Variants in B4GALT1 observed in about 807,000 individuals in gnomAD.
B4GALT1 encodes beta-1,4-galactosyltransferase 1.
In B4GALT1, 16 loss-of-function variants were observed where a neutral mutation model predicts 34.9. That is an observed-to-expected ratio of 0.46 (90% CI 0.31 to 0.70). The LOEUF is 0.70. Among genes scored for constraint, B4GALT1 ranks in the 30% least tolerant of loss-of-function variants. The pLI, the probability that B4GALT1 is intolerant of heterozygous loss-of-function variation, is 0.05. For synonymous variants in B4GALT1, 221 were observed against 218.1 expected (o/e 1.01, Z -0.12); for missense variants, 445 against 530.5 (o/e 0.84, Z 1.58).
At chr9:33,174,990 AATATAT>A in the B4GALT1 span, among the ~76,000 whole-genome samples, 9 of 4,836 alleles carry the variant, frequency 1.9e-3, no homozygotes, top group African/African-American at 4.2e-3. Flanking sequence ...AAAAAAAAAA[AATATAT>A]ATATATATAT....
chr9:33,168,798 C>G (rs918432386), upstream of B4GALT1, among the ~76,000 whole-genome samples: 1 of 152,236 alleles, frequency 6.6e-6, no homozygotes, highest in African/African-American at 2.4e-5. Flanking sequence ...CAGCCCAGAT[C>G]TCTTCCCTGA....
intron 1 of B4GALT1, among the ~76,000 whole-genome samples, chr9:33,137,352 C>G (rs578209925): frequency 1.3e-5 from 2 of 152,186 alleles, no homozygotes; most frequent in African/African-American, 4.8e-5. Flanking sequence ...TTACTCTCTG[C>G]GCTATCACAG....
the B4GALT1 span, among the ~76,000 whole-genome samples, chr9:33,174,920 G>A: frequency 7.8e-6 from 1 of 127,800 alleles, no homozygotes; most frequent in Non-Finnish European, 1.6e-5. Flanking sequence ...TCACGCCACT[G>A]CACTCTATAG....
At chr9:33,178,552 C>G in the B4GALT1 span, among the ~76,000 whole-genome samples, 5 of 152,350 alleles carry the variant, frequency 3.3e-5, no homozygotes, top group East Asian at 9.7e-4. Flanking sequence ...CGAAGTGGGT[C>G]TGCTTCCTCC....
At chr9:33,109,949 T>C (rs1403306787), downstream of B4GALT1, among the ~76,000 whole-genome samples, 1 of 152,272 alleles carries the variant, frequency 6.6e-6, no homozygotes, top group Non-Finnish European at 1.5e-5. Context: ...GGCAGCATTT[T>C]GTCCAAAGGA....
At chr9:33,129,354 T>G (rs1266714892) in intron 2 of B4GALT1, among the ~76,000 whole-genome samples, 1 of 152,238 alleles carries the variant, frequency 6.6e-6, no homozygotes, top group Non-Finnish European at 1.5e-5. Context: ...ACAGGCAGCC[T>G]GTGCTCTGGT....
At chr9:33,163,906 A>G (rs943235835) in intron 1 of B4GALT1, among the ~76,000 whole-genome samples, 2 of 151,568 alleles carry the variant, frequency 1.3e-5, no homozygotes, top group East Asian at 1.9e-4. Flanking sequence ...TGCATCACTC[A>G]CTCCTGCAAG....
At position 33,113,197 on chromosome 9, in the gene B4GALT1, TG is replaced by T; in HGVS notation, c.*256del. 1 of 542,634 alleles carries T rather than the reference TG, an allele frequency of 1.8e-6. No individual in the cohort carries two copies. Among genetic ancestry groups the T allele is most frequent in the South Asian group, 2.0e-5 (1 of 50,590 alleles). 33.6% of individuals were successfully genotyped at this position (542,634 alleles called of 1,614,324 possible). A position where few individuals can be genotyped will look rare whatever the true frequency, so the allele number is the denominator to read the frequency against. On this transcript the variant is annotated 3_prime_UTR_variant, in exon 6 of 6. Transcript: ENST00000379731. ...TTTGGGATGTGTACAGTTCTGACTCTGGGGTGACACTGCGAACACATCAAGA... is the reference window on the plus strand; with the variant it reads ...TTTGGGATGTGTACAGTTCTGACTCTGGGTGACACTGCGAACACATCAAGA...
At chr9:33,126,910 C>G (rs1312467276) in intron 2 of B4GALT1, among the ~76,000 whole-genome samples, 1 of 152,156 alleles carries the variant, frequency 6.6e-6, no homozygotes, top group Non-Finnish European at 1.5e-5. Context: ...AACAGGGATT[C>G]TGGGTGAAGT....
downstream of B4GALT1, among the ~76,000 whole-genome samples, chr9:33,107,987 G>A (rs1232743595): frequency 6.6e-6 from 1 of 152,138 alleles, no homozygotes; most frequent in East Asian, 1.9e-4. Context: ...AGAGGAAAAG[G>A]GAAGATCCCC....
chr9:33,150,383 T>A (rs1840497746), intron 1 of B4GALT1, among the ~76,000 whole-genome samples: 1 of 148,516 alleles, frequency 6.7e-6, no homozygotes, highest in Non-Finnish European at 1.5e-5. Context: ...TTTCTGTAAG[T>A]CTGAAGTTAT....
rs529411620 is a variant in B4GALT1, at chr9:33,150,152, C to T, written c.413-14728G>A. 3.3e-5 allele frequency among the ~76,000 whole-genome samples: 4 copies of T among 121,992 alleles called. No homozygotes were observed. In the South Asian group the frequency reaches 9.0e-4, roughly 27 times the overall value. The allele number at this position is 121,992 out of a possible 152,430, so 80.0% of individuals were successfully genotyped here. On this transcript the variant is annotated intron_variant, in intron 1 of 5. Transcript: ENST00000379731. The stretch of plus-strand genomic sequence containing the variant: ...ATATAGATATAGATATAGATATATA[C>T]ACACACACATATATATGAGAGAGAG...
At chr9:33,148,562 G>T (rs1170386516) in intron 1 of B4GALT1, among the ~76,000 whole-genome samples, 3 of 152,210 alleles carry the variant, frequency 2.0e-5, no homozygotes, top group African/African-American at 7.2e-5. Flanking sequence ...AAGGGAAAAA[G>T]AAACACTGGG....
At chr9:33,133,360 CAA>C (rs1321364786) in intron 2 of B4GALT1, among the ~76,000 whole-genome samples, 2 of 152,156 alleles carry the variant, frequency 1.3e-5, no homozygotes, top group Non-Finnish European at 2.9e-5. Context: ...TAGCAACTGT[CAA>C]GAGAGAAACG....
intron 1 of B4GALT1, among the ~76,000 whole-genome samples, chr9:33,135,856 G>A (rs1840261057): frequency 6.6e-6 from 1 of 151,760 alleles, no homozygotes; most frequent in African/African-American, 2.4e-5. Context: ...ACAAATGGCT[G>A]ACATCATCTC....
At chr9:33,162,527 A>T (rs548390150) in intron 1 of B4GALT1, among the ~76,000 whole-genome samples, 1 of 152,124 alleles carries the variant, frequency 6.6e-6, no homozygotes, top group South Asian at 2.1e-4. Flanking sequence ...ACCATACAAG[A>T]CCCTTCAGAT....
chr9:33,181,649 C>A, the B4GALT1 span, among the ~76,000 whole-genome samples: 2 of 152,148 alleles, frequency 1.3e-5, no homozygotes. Context: ...CCAATCAGAG[C>A]ACTATACCCC....
At chr9:33,146,238 G>C (rs1840423552) in intron 1 of B4GALT1, among the ~76,000 whole-genome samples, 1 of 152,190 alleles carries the variant, frequency 6.6e-6, no homozygotes, top group Non-Finnish European at 1.5e-5. Context: ...GGAATTTCTG[G>C]AAAGTGTGGA....
intron 2 of B4GALT1, among the ~76,000 whole-genome samples, chr9:33,130,476 G>A (rs1840177925): frequency 6.6e-6 from 1 of 151,288 alleles, no homozygotes; most frequent in South Asian, 2.1e-4. Flanking sequence ...GGGGTGGGAG[G>A]AGAGACCTTA....
Sources: gnomAD v4.1 joint callset for allele counts (sites outside exome capture counted in the v4.1 genomes callset) on GRCh38, gnomAD v4.1.1 for gene constraint, MANE v1.5 for transcripts, NCBI Gene and HGNC (gene_info 2026-07-23, HGNC 2026-07-21) for gene names.